ZNF180: variants seen among roughly 807,000 people sequenced by gnomAD.
ZNF180 encodes zinc finger protein 180 (HHZ168).
Under a neutral mutation model 11.8 loss-of-function variants are expected in ZNF180, and 11 were observed. That is an observed-to-expected ratio of 0.93 (90% CI 0.59 to 1.55). The LOEUF (loss-of-function observed/expected upper bound fraction) is 1.55, where lower values mean the gene tolerates loss of function less well. Ranked by LOEUF, ZNF180 falls within the 40% of genes most tolerant of loss-of-function variation. The pLI is 0.00. For missense variants in ZNF180, 773 were observed against 781.7 expected, an observed-to-expected ratio of 0.99 and a Z score of 0.13; for synonymous variants, 287 against 257.7, an observed-to-expected ratio of 1.11 and a Z score of -1.09.
At chr19:44,494,594 C>T (rs915782030) in intron 2 of ZNF180, among the ~76,000 whole-genome samples, 4 of 152,120 alleles carry the variant, frequency 2.6e-5, no homozygotes, top group Non-Finnish European at 4.4e-5. Flanking sequence ...ATCACTTGAG[C>T]GCAGAAATTC....
chr19:44,487,444 T>C (rs1374207670), intron 2 of ZNF180, among the ~76,000 whole-genome samples: 7 of 152,220 alleles, frequency 4.6e-5, no homozygotes, highest in Admixed American at 4.6e-4. Flanking sequence ...TTTTTATTTT[T>C]TGTAGAAGAC....
At chr19:44,490,344 CA>C (rs977113460) in intron 2 of ZNF180, among the ~76,000 whole-genome samples, 15 of 152,188 alleles carry the variant, frequency 9.9e-5, no homozygotes, top group African/African-American at 3.6e-4. Flanking sequence ...GCTGCATGAA[CA>C]TTACAAAATA....
intron 2 of ZNF180, among the ~76,000 whole-genome samples, chr19:44,487,760 C>T (rs539984425): frequency 6.5e-4 from 99 of 152,170 alleles, no homozygotes; most frequent in Non-Finnish European, 1.0e-3. Context: ...CAGAGTCTCG[C>T]GCTGTCCCCA....
chr19:44,485,893 T>C (rs979693535), intron 2 of ZNF180, among the ~76,000 whole-genome samples: 1 of 152,232 alleles, frequency 6.6e-6, no homozygotes, highest in Non-Finnish European at 1.5e-5. Flanking sequence ...TTTGTTTTTT[T>C]AAAGGCAATA....
At chr19:44,494,108 A>G (rs940495394) in intron 2 of ZNF180, among the ~76,000 whole-genome samples, 1 of 152,224 alleles carries the variant, frequency 6.6e-6, no homozygotes, top group South Asian at 2.1e-4. Flanking sequence ...TGCTTTCCCT[A>G]TGTAGCCTTG....
At chr19:44,479,144 CACT>C (rs1970010876) in intron 4 of ZNF180, 136 bp downstream of exon 4, 2 of 1,002,898 alleles carry the variant, frequency 2.0e-6, no homozygotes, top group Non-Finnish European at 2.9e-6. Context: ...AATTAATCTT[CACT>C]GGGGAATAAA....
chr19:44,492,073 C>T (rs2123491711), intron 2 of ZNF180, among the ~76,000 whole-genome samples: 1 of 152,304 alleles, frequency 6.6e-6, no homozygotes, highest in African/African-American at 2.4e-5. Context: ...ATGAAGCGTT[C>T]CCAGATAGCA....
At chr19:44,479,440 G>A in intron 3 of ZNF180, 31 bp from the exon 4 acceptor site, 1 of 1,611,104 alleles carries the variant, frequency 6.2e-7, no homozygotes, top group Non-Finnish European at 8.5e-7. Flanking sequence ...CTGCTCAGCT[G>A]GGCATCATTT....
intron 1 of ZNF180, among the ~76,000 whole-genome samples, chr19:44,499,707 T>TC (rs1360163689): frequency 1.3e-5 from 2 of 152,202 alleles, no homozygotes; most frequent in Admixed American, 6.5e-5. Context: ...CACTGCCTCT[T>TC]CTGGCACAAG....
In ZNF180 at chr19:44,477,408, C is replaced by T. The variant is rs938630346; in HGVS notation, c.992G>A (p.Cys331Tyr). The change falls in exon 5 of 5, where the codon TGT (cysteine) becomes TAT (tyrosine). Residue 331 changes from cysteine (C) to tyrosine (Y), a missense_variant. Cys to Tyr is a radical substitution (Grantham distance 194). Transcript: ENST00000592529. The part of the protein sequence containing the change: ...SEEKPFECNQ[C>Y]GKSFSWSSHL... ...CGAGCTCCAGCTGAAGGATTTCCCA[C>T]ACTGATTACATTCAAAAGGTTTCTC... 6.2e-7 allele frequency: 1 copy of T among 1,614,088 alleles called. No homozygotes were observed. Among genetic ancestry groups the T allele is most frequent in the Non-Finnish European group, 8.5e-7 (1 of 1,180,042 alleles).
At position 44,477,649 on chromosome 19, in the gene ZNF180, G is replaced by C; in HGVS notation, c.751C>G (p.Arg251Gly). The change falls in exon 5 of 5, where the codon CGT becomes GGT. Residue 251 changes from arginine to glycine, a missense_variant. By Grantham distance (125) the Arg-to-Gly change is moderately radical (BLOSUM62 -2). Transcript: ENST00000592529. ...TKDKSYGFSD[R>G]IQSFCHGTPL... is the part of the protein sequence containing the mutation. ...GTACCATGGCAAAAAGATTGAATAC[G>C]GTCACTAAATCCATAGGATTTATCT... is the stretch of plus-strand genomic sequence containing the variant. 6.2e-7 allele frequency: 1 copy of C among 1,613,844 alleles called. No individual in the cohort carries two copies.
chr19:44,475,461 G>C lies in ZNF180; in HGVS notation c.*941C>G, dbSNP rs1969838710. 6.6e-6 allele frequency: 1 copy of C among 151,568 alleles called. No individual in the cohort carries two copies. Among genetic ancestry groups the C allele is most frequent in the Non-Finnish European group, 1.5e-5 (1 of 68,020 alleles). The allele number at this position is 151,568 out of a possible 1,614,324, so 9.4% of individuals were successfully genotyped here. The stretch of plus-strand genomic sequence containing the variant: ...AAACCATTTCTGGCCAAAATTTCTA[G>C]TTACCTATTTCCAGGAATCCATTTT... On this transcript the variant is annotated 3_prime_UTR_variant, in exon 5 of 5. Transcript: ENST00000592529.
Position 44,476,452 on chromosome 19 carries a change from TAA to T in ZNF180, c.1946_1947del (p.Leu649HisfsTer2). 1 of 1,610,902 alleles carries T rather than the reference TAA, an allele frequency of 6.2e-7. No homozygotes were observed. On this transcript the variant is annotated frameshift_variant, in exon 5 of 5. Coordinates refer to ENST00000592529, the MANE Select transcript of ZNF180 (RefSeq NM_001278509.3). LOFTEE classifies it high-confidence loss of function. ...CGKAFINSYK[L>X]IRHQATHTEE... ...TCAGTATGAGTTGCCTGATGCCTAA[TAA>T]GTTTATAGCTATTAATGAAAGCTTT...
chr19:44,498,643 AAC>A (rs1255346811), intron 1 of ZNF180, among the ~76,000 whole-genome samples: 1 of 152,046 alleles, frequency 6.6e-6, no homozygotes, highest in Admixed American at 6.6e-5. Flanking sequence ...CCTGTTTCCC[AAC>A]CAAACACCGG....
rs184701502 is a variant in ZNF180, at chr19:44,481,682, C to A, written c.127-2273G>T. Among the ~76,000 whole-genome samples the A allele has an allele frequency of 5.0e-4, 76 of 152,300 alleles. No homozygotes were observed. In the East Asian group the frequency reaches 0.011, roughly 22 times the overall value. On this transcript the variant is annotated intron_variant, in intron 3 of 4. Coordinates refer to ENST00000592529, the MANE Select transcript of ZNF180 (RefSeq NM_001278509.3). ...GGCAGGGACAAGTATTTACAGTTTG[C>A]AAATGTAACTCCAATGCTTAGCATA...
intron 2 of ZNF180, among the ~76,000 whole-genome samples, chr19:44,493,172 GCCA>G (rs1343688638): frequency 6.6e-6 from 1 of 152,106 alleles, no homozygotes; most frequent in Non-Finnish European, 1.5e-5. Flanking sequence ...TCCACATAGG[GCCA>G]CCAACAACCT....
At chr19:44,497,848 T>C (rs1451245833) in intron 1 of ZNF180, among the ~76,000 whole-genome samples, 28 of 152,138 alleles carry the variant, frequency 1.8e-4, no homozygotes, top group Admixed American at 1.4e-3. Context: ...CCTAACTGCA[T>C]GAAGCTGGTG....
intron 1 of ZNF180, among the ~76,000 whole-genome samples, chr19:44,498,198 A>G (rs776333724): frequency 2.0e-5 from 3 of 152,126 alleles, no homozygotes; most frequent in Admixed American, 2.0e-4. Context: ...CCTCCAACAG[A>G]CACCAGCACA....
intron 2 of ZNF180, among the ~76,000 whole-genome samples, chr19:44,492,970 C>T (rs995327315): frequency 2.6e-5 from 4 of 152,162 alleles, no homozygotes; most frequent in African/African-American, 9.7e-5. Flanking sequence ...TCTTAATCAC[C>T]AAATCTAGAA....
Sources: allele counts gnomAD v4.1 joint callset (sites outside exome capture counted in the v4.1 genomes callset), GRCh38; gene constraint gnomAD v4.1.1; transcripts MANE v1.5; gene names NCBI Gene and HGNC (gene_info 2026-07-23, HGNC 2026-07-21).